Variants in RAB23 observed in about 807,000 individuals in gnomAD.
RAB23 encodes the protein ras-related protein Rab-23.
In RAB23, 15 loss-of-function variants were observed where a neutral mutation model predicts 30.0. The observed-to-expected ratio is 0.50, with a 90% confidence interval of 0.33 to 0.77. RAB23 has a LOEUF of 0.77. RAB23 is among the 30% of genes least tolerant of loss of function. The pLI is 0.02. For synonymous variants in RAB23, 93 were observed against 94.0 expected (o/e 0.99, Z 0.06); for missense variants, 243 against 275.4 (o/e 0.88, Z 0.83).
chr6:57,201,084 C>CTTTTT (rs201367113), intron 3 of RAB23, among the ~76,000 whole-genome samples: 4 of 136,904 alleles, frequency 2.9e-5, no homozygotes, highest in Non-Finnish European at 6.1e-5. Context: ...TTTTCTCTCT[C>CTTTTT]TCTTTTTTTT....
rs1056934246 is a variant in RAB23, at chr6:57,188,281, CTAAT to C, written c.*2176_*2179del. On this transcript the variant is annotated 3_prime_UTR_variant, in exon 7 of 7. Coordinates refer to ENST00000468148, the MANE Select transcript of RAB23 (RefSeq NM_016277.5). ...AGGCCTACTTAATTATTTTAAATGA[CTAAT>C]TATGGTTAGGTTTAAAATACAGCAG... 2 of 151,918 alleles carry C rather than the reference CTAAT, an allele frequency of 1.3e-5. No individual in the cohort carries two copies. The highest frequency in any genetic ancestry group is 6.6e-5 in the Admixed American group (1 of 15,260). The allele number at this position is 151,918 out of a possible 1,614,324, so 9.4% of individuals were successfully genotyped here.
chr6:57,192,519 A>G (rs1269854737), intron 6 of RAB23, among the ~76,000 whole-genome samples: 2 of 152,262 alleles, frequency 1.3e-5, no homozygotes, highest in Non-Finnish European at 1.5e-5. Context: ...TGCATCTGAT[A>G]CATAAGAAAG....
rs1764785802 is a variant in RAB23 at position 57,190,234 on chromosome 6, T to G, written c.*227A>C. On this transcript the variant is annotated 3_prime_UTR_variant, in exon 7 of 7. Transcript: ENST00000468148. ...GCATTCCTTTACAAACAGGAGAAGC[T>G]TCGTCTAATGTAAAAAAAATTAAAG... is the stretch of plus-strand genomic sequence containing the variant. 2.0e-6 allele frequency: 1 copy of G among 501,446 alleles called. No homozygotes were observed. Among genetic ancestry groups the G allele is most frequent in the Non-Finnish European group, 3.6e-6 (1 of 280,336 alleles). The allele number at this position is 501,446 out of a possible 1,614,324, so 31.1% of individuals were successfully genotyped here.
At chr6:57,208,199 T>C (rs1483362366) in intron 2 of RAB23, among the ~76,000 whole-genome samples, 2 of 152,180 alleles carry the variant, frequency 1.3e-5, no homozygotes, top group Non-Finnish European at 2.9e-5. Context: ...TTATCTGCCA[T>C]GTTTTTTTCT....
In RAB23 at chr6:57,211,243, G is replaced by A. The variant is rs1765641067; in HGVS notation, c.-65-798C>T. 2.6e-5 allele frequency among the ~76,000 whole-genome samples: 4 copies of A among 152,044 alleles called. No homozygotes were observed. In the South Asian group the frequency reaches 8.3e-4, roughly 32 times the overall value. On this transcript the variant is annotated intron_variant, in intron 1 of 6. Coordinates refer to ENST00000468148, the MANE Select transcript of RAB23 (RefSeq NM_016277.5). ...AGGCAAGAGGATCGCTTGAAGCCAG[G>A]AGTTTGAGACTAGCCTGGGCAACAT...
At chr6:57,205,637 T>C (rs1765431122) in intron 3 of RAB23, among the ~76,000 whole-genome samples, 1 of 152,156 alleles carries the variant, frequency 6.6e-6, no homozygotes, top group Admixed American at 6.5e-5. Context: ...TTCTGAGATG[T>C]TAAACCTGAA....
rs1764759914 is a variant in RAB23 at position 57,189,689 on chromosome 6, TA to T, written c.*771del. On this transcript the variant is annotated 3_prime_UTR_variant, in exon 7 of 7. Transcript: ENST00000468148. Reference sequence around the variant, plus strand: ...AACTGCTTACTGCTTTTAAAAGATATAATAAACAATATAAATTCTGATAGTA... The same window carrying T: ...AACTGCTTACTGCTTTTAAAAGATATATAAACAATATAAATTCTGATAGTA... 1 of 152,676 alleles carries T rather than the reference TA, an allele frequency of 6.5e-6. No individual in the cohort carries two copies. Among genetic ancestry groups the T allele is most frequent in the Admixed American group, 6.5e-5 (1 of 15,280 alleles). The allele number at this position is 152,676 out of a possible 1,614,324, so 9.5% of individuals were successfully genotyped here.
chr6:57,215,982 A>C (rs1442687043), intron 1 of RAB23, among the ~76,000 whole-genome samples: 3 of 152,254 alleles, frequency 2.0e-5, no homozygotes, highest in African/African-American at 7.2e-5. Flanking sequence ...CATGCACCAC[A>C]TAACAACATT....
At chr6:57,208,729 T>C (rs953800672) in intron 2 of RAB23, among the ~76,000 whole-genome samples, 4 of 152,118 alleles carry the variant, frequency 2.6e-5, no homozygotes, top group African/African-American at 9.7e-5. Context: ...TTCTCATTAT[T>C]CACAGTAGTT....
chr6:57,204,577 T>C (rs1260938897), intron 3 of RAB23, among the ~76,000 whole-genome samples: 1 of 152,214 alleles, frequency 6.6e-6, no homozygotes, highest in African/African-American at 2.4e-5. Flanking sequence ...ATTCAACTAC[T>C]AGCATTCTAC....
chr6:57,205,170 TATTA>T (rs1347488673), intron 3 of RAB23, among the ~76,000 whole-genome samples: 4 of 151,518 alleles, frequency 2.6e-5, no homozygotes, highest in East Asian at 3.9e-4. Flanking sequence ...ATACACACTA[TATTA>T]ATTACATATA....
intron 5 of RAB23, 68 bp from the exon 6 acceptor site, chr6:57,194,002 C>T (rs1346416781): frequency 1.3e-6 from 2 of 1,553,256 alleles, no homozygotes; most frequent in Non-Finnish European, 1.7e-6. Flanking sequence ...TATTTCACAT[C>T]ATTTGTAATA....
rs925052202 is a variant in RAB23 at position 57,188,691 on chromosome 6, G to A, written c.*1770C>T. 2 of 152,204 alleles carry A rather than the reference G, an allele frequency of 1.3e-5. No homozygotes were observed. The highest frequency in any genetic ancestry group is 6.5e-5 in the Admixed American group (1 of 15,282). The allele number at this position is 152,204 out of a possible 1,614,324, so 9.4% of individuals were successfully genotyped here. A position where few individuals can be genotyped will look rare whatever the true frequency, so the allele number is the denominator to read the frequency against. On this transcript the variant is annotated 3_prime_UTR_variant, in exon 7 of 7. Transcript: ENST00000468148. ...AAACCTATGTCACTATCAGCAATGG[G>A]AGTGGTGACAACTGGTGACATAAAA...
intron 1 of RAB23, among the ~76,000 whole-genome samples, chr6:57,218,290 G>T (rs1412981670): frequency 6.6e-6 from 1 of 152,110 alleles, no homozygotes; most frequent in African/African-American, 2.4e-5. Flanking sequence ...TCTGAACAAA[G>T]ATGTAAAAAT....
At chr6:57,219,057 T>C (rs1765955240) in intron 1 of RAB23, among the ~76,000 whole-genome samples, 1 of 152,098 alleles carries the variant, frequency 6.6e-6, no homozygotes, top group Non-Finnish European at 1.5e-5. Context: ...TATTCACAAA[T>C]GACATGATTA....
intron 1 of RAB23, among the ~76,000 whole-genome samples, chr6:57,218,668 T>C (rs1433625032): frequency 6.6e-6 from 1 of 152,080 alleles, no homozygotes; most frequent in Non-Finnish European, 1.5e-5. Flanking sequence ...CTGGACAACA[T>C]GGTGAAACTG....
intron 1 of RAB23, among the ~76,000 whole-genome samples, chr6:57,221,128 C>CA (rs1437940493): frequency 1.3e-5 from 2 of 152,152 alleles, no homozygotes; most frequent in East Asian, 3.8e-4. Flanking sequence ...ACTCACTAAT[C>CA]AAAAGGTTGT....
intron 3 of RAB23, among the ~76,000 whole-genome samples, chr6:57,205,132 T>C (rs1765409019): frequency 6.6e-6 from 1 of 151,062 alleles, no homozygotes; most frequent in Non-Finnish European, 1.5e-5. Context: ...TACACATCTA[T>C]ACATATATAC....
intron 4 of RAB23, among the ~76,000 whole-genome samples, chr6:57,195,060 C>T (rs931071788): frequency 4.6e-5 from 7 of 152,138 alleles, no homozygotes; most frequent in Admixed American, 1.3e-4. Flanking sequence ...GCTATGTTTT[C>T]ATTTAGTGCC....
Sources: gnomAD v4.1 joint callset for allele counts (sites outside exome capture counted in the v4.1 genomes callset) on GRCh38, gnomAD v4.1.1 for gene constraint, MANE v1.5 for transcripts, NCBI Gene and HGNC (gene_info 2026-07-23, HGNC 2026-07-21) for gene names.